The following KCNIP4 variants were observed in gnomAD, a reference collection of about 807,000 sequenced individuals.
The protein encoded by KCNIP4 is potassium voltage-gated channel interacting protein 4, also known as Kv channel-interacting protein 4.
Under a neutral mutation model 34.0 loss-of-function variants are expected in KCNIP4, and 12 were observed. That is an observed-to-expected ratio of 0.35 (90% CI 0.23 to 0.57). The LOEUF (loss-of-function observed/expected upper bound fraction) is 0.57, where lower values mean the gene tolerates loss of function less well. Ranked by LOEUF, KCNIP4 falls within the 20% of genes least tolerant of loss-of-function variation. The pLI, the probability that KCNIP4 is intolerant of heterozygous loss-of-function variation, is 0.83. For synonymous variants in KCNIP4, 124 were observed against 102.2 expected (o/e 1.21, Z -1.29); for missense variants, 238 against 311.7 (o/e 0.76, Z 1.78).
intron 4 of KCNIP4, among the ~76,000 whole-genome samples, chr4:20,753,854 G>C (rs1754053439): frequency 6.6e-6 from 1 of 152,122 alleles, no homozygotes; most frequent in Non-Finnish European, 1.5e-5. Flanking sequence ...CTTGCATACA[G>C]CGGCTGCTTA....
intron 1 of KCNIP4, among the ~76,000 whole-genome samples, chr4:21,589,209 T>C (rs1337647160): frequency 7.9e-6 from 1 of 127,300 alleles, no homozygotes; most frequent in Non-Finnish European, 1.7e-5. Flanking sequence ...TATGTGTACA[T>C]ATATAAGTAC....
At chr4:20,819,500 G>A (rs961923178) in intron 3 of KCNIP4, among the ~76,000 whole-genome samples, 1 of 152,066 alleles carries the variant, frequency 6.6e-6, no homozygotes, top group African/African-American at 2.4e-5. Flanking sequence ...TCTGAGACTT[G>A]GAATAATAAA....
chr4:21,109,002 G>T (rs1204216736), intron 1 of KCNIP4, among the ~76,000 whole-genome samples: 1 of 152,196 alleles, frequency 6.6e-6, no homozygotes, highest in Non-Finnish European at 1.5e-5. Flanking sequence ...GTGTCAGTCT[G>T]CCCCTACTGG....
In KCNIP4 at chr4:21,343,622, C is replaced by T. The variant is rs1716982933; in HGVS notation, c.62-460913G>A. 1.3e-5 allele frequency among the ~76,000 whole-genome samples: 2 copies of T among 152,084 alleles called. 1 individual carries two copies. The highest frequency in any genetic ancestry group is 4.1e-4 in the South Asian group (2 of 4,824). On this transcript the variant is annotated intron_variant, in intron 1 of 8. Coordinates refer to ENST00000382152, the MANE Select transcript of KCNIP4 (RefSeq NM_025221.6). ...GGATCCATGAGCCCAGGGCATTTCC[C>T]TAGAAGCAGTCTTTCTCAAATTTAT... is the stretch of plus-strand genomic sequence containing the variant.
At chr4:20,939,258 G>A (rs926251968) in intron 1 of KCNIP4, among the ~76,000 whole-genome samples, 16 of 152,096 alleles carry the variant, frequency 1.1e-4, no homozygotes, top group African/African-American at 3.9e-4. Flanking sequence ...ATTCCTATTT[G>A]CTATCTCCTT....
chr4:20,929,873 A>T (rs556673997), intron 1 of KCNIP4, among the ~76,000 whole-genome samples: 1 of 152,158 alleles, frequency 6.6e-6, no homozygotes, highest in African/African-American at 2.4e-5. Context: ...GTTGAAGAAG[A>T]CACATATAAA....
intron 1 of KCNIP4, among the ~76,000 whole-genome samples, chr4:21,341,077 G>A (rs1452793201): frequency 6.6e-6 from 1 of 152,068 alleles, no homozygotes; most frequent in African/African-American, 2.4e-5. Context: ...ACAGCGGAAG[G>A]AAAGCTATAT....
At chr4:21,030,892 A>C (rs1740965427) in intron 1 of KCNIP4, among the ~76,000 whole-genome samples, 2 of 152,154 alleles carry the variant, frequency 1.3e-5, no homozygotes, top group African/African-American at 4.8e-5. Context: ...TGTCCTGACC[A>C]TGTCCCCTTG....
intron 1 of KCNIP4, among the ~76,000 whole-genome samples, chr4:21,793,069 C>T (rs1006513644): frequency 6.6e-6 from 1 of 152,186 alleles, no homozygotes; most frequent in Non-Finnish European, 1.5e-5. Context: ...GGATAGTCAA[C>T]ATTCATGGGC....
chr4:21,405,492 G>T (rs975016781), intron 1 of KCNIP4, among the ~76,000 whole-genome samples: 1 of 152,156 alleles, frequency 6.6e-6, no homozygotes, highest in South Asian at 2.1e-4. Flanking sequence ...GGTATATTTG[G>T]CAAGGCAGTG....
chr4:21,343,957 C>T (rs941948041), intron 1 of KCNIP4, among the ~76,000 whole-genome samples: 1 of 152,056 alleles, frequency 6.6e-6, no homozygotes, highest in African/African-American at 2.4e-5. Context: ...GTAAAAGTCA[C>T]AGTTAGTAAA....
intron 1 of KCNIP4, among the ~76,000 whole-genome samples, chr4:21,409,792 G>A (rs1336848034): frequency 6.6e-6 from 1 of 152,094 alleles, no homozygotes; most frequent in Admixed American, 6.5e-5. Context: ...GGAACTGAGG[G>A]GACCATGCAT....
At chr4:21,370,882 C>CACACACACACACGTGT (rs367553482) in intron 1 of KCNIP4, among the ~76,000 whole-genome samples, 14 of 39,390 alleles carry the variant, frequency 3.6e-4, no homozygotes, top group Middle Eastern at 0.019. Flanking sequence ...CACACACACA[C>CACACACACACACGTGT]GTGTGTGTGT....
At chr4:21,767,775 C>T (rs73800727) in intron 1 of KCNIP4, among the ~76,000 whole-genome samples, 22,446 of 151,878 alleles carry the variant, frequency 0.15, 5,571 homozygotes, top group African/African-American at 0.51. Context: ...GGATTTAAAA[C>T]ATACACACTA....
chr4:21,877,592 C>T (rs922040919), intron 1 of KCNIP4, among the ~76,000 whole-genome samples: 4 of 152,058 alleles, frequency 2.6e-5, no homozygotes, highest in African/African-American at 4.8e-5. Context: ...ACTGAATTTC[C>T]GGGTTCTTGG....
chr4:20,773,959 A>G (rs940632554), intron 3 of KCNIP4, among the ~76,000 whole-genome samples: 2 of 152,220 alleles, frequency 1.3e-5, no homozygotes, highest in African/African-American at 4.8e-5. Flanking sequence ...TTGAGTCTGA[A>G]AACCTTCTGA....
At chr4:21,870,452 C>A (rs528924714) in intron 1 of KCNIP4, among the ~76,000 whole-genome samples, 142 of 152,250 alleles carry the variant, frequency 9.3e-4, no homozygotes, top group African/African-American at 3.3e-3. Flanking sequence ...AAAAAACACA[C>A]CCCTAGGTGG....
chr4:21,446,070 T>C (rs1727959088), intron 1 of KCNIP4, among the ~76,000 whole-genome samples: 1 of 152,018 alleles, frequency 6.6e-6, no homozygotes, highest in Non-Finnish European at 1.5e-5. Context: ...AAAACCACAA[T>C]GAGATACCAT....
At chr4:20,989,169 C>T (rs942422392) in intron 1 of KCNIP4, among the ~76,000 whole-genome samples, 11 of 152,288 alleles carry the variant, frequency 7.2e-5, no homozygotes, top group South Asian at 2.1e-4. Context: ...TGTAAATAAA[C>T]TCTATTAATC....
Sources: gnomAD v4.1 joint callset for allele counts (sites outside exome capture counted in the v4.1 genomes callset) on GRCh38, gnomAD v4.1.1 for gene constraint, MANE v1.5 for transcripts, NCBI Gene and HGNC (gene_info 2026-07-23, HGNC 2026-07-21) for gene names.